The following SLC8A3 variants were observed in gnomAD, a reference collection of about 807,000 sequenced individuals.
The protein encoded by SLC8A3 is sodium/calcium exchanger 3.
SLC8A3 carries 37 observed loss-of-function variants against 65.4 expected under a neutral mutation model. The observed-to-expected ratio is 0.57, with a 90% confidence interval of 0.44 to 0.74. SLC8A3 has a LOEUF of 0.74. SLC8A3 is among the 30% of genes least tolerant of loss of function. The pLI, the probability that SLC8A3 is intolerant of heterozygous loss-of-function variation, is 0.00. For missense variants in SLC8A3, 1,112 were observed against 1,172.1 expected, an observed-to-expected ratio of 0.95 and a Z score of 0.75; for synonymous variants, 461 against 444.5, an observed-to-expected ratio of 1.04 and a Z score of -0.47.
intron 5 of SLC8A3, among the ~76,000 whole-genome samples, chr14:70,050,094 G>C (rs1454920077): frequency 2.0e-5 from 3 of 152,190 alleles, no homozygotes; most frequent in Admixed American, 6.5e-5. Flanking sequence ...CTGTAAGCTG[G>C]GGTAAATCAT....
In SLC8A3 at chr14:70,045,244, C is replaced by T. The variant is rs1300213310; in HGVS notation, c.*703G>A. Reference sequence around the variant, plus strand: ...GTGAGTGAGCTTATTTCTACCCCAACACCATCACTCCTCCCAAGAACTCAG... The same window carrying T: ...GTGAGTGAGCTTATTTCTACCCCAATACCATCACTCCTCCCAAGAACTCAG... On this transcript the variant is annotated 3_prime_UTR_variant, in exon 7 of 7. Coordinates refer to ENST00000356921, the MANE Select transcript of SLC8A3 (RefSeq NM_182932.3). The T allele has an allele frequency of 1.3e-5, 2 of 152,172 alleles. No homozygotes were observed. The highest frequency in any genetic ancestry group is 2.9e-5 in the Non-Finnish European group (2 of 68,046). The allele number at this position is 152,172 out of a possible 1,614,324, so 9.4% of individuals were successfully genotyped here.
chr14:70,179,466 T>C (rs1882537087), intron 1 of SLC8A3, among the ~76,000 whole-genome samples: 1 of 152,222 alleles, frequency 6.6e-6, no homozygotes, highest in African/African-American at 2.4e-5. Context: ...AAAATGACTC[T>C]ACAGGAGTTT....
At position 70,182,232 on chromosome 14, in the gene SLC8A3, T is replaced by C. The variant is rs955130992; in HGVS notation, c.-63+6147A>G. The stretch of plus-strand genomic sequence containing the variant: ...GAAGCTCCTAAGGACAAAGATGATG[T>C]CAGGTTAGTAAAAATTCAGGAGGAG... On this transcript the variant is annotated intron_variant, in intron 1 of 6. Coordinates refer to ENST00000356921, the MANE Select transcript of SLC8A3 (RefSeq NM_182932.3). 2.0e-5 allele frequency among the ~76,000 whole-genome samples: 3 copies of C among 152,182 alleles called. No homozygotes were observed. In the East Asian group the frequency reaches 5.8e-4, roughly 29 times the overall value.
rs1220317886 is a variant in SLC8A3, at chr14:70,167,293, G to C, written c.1130C>G (p.Ala377Gly). 1.2e-6 allele frequency: 2 copies of C among 1,614,190 alleles called. No homozygotes were observed. Among genetic ancestry groups the C allele is most frequent in the South Asian group, 1.1e-5 (1 of 91,074 alleles). Reference sequence around the variant, plus strand: ...CTCGCTCATGCTGGAGGCCTTCTTGGCTTGTTCTGCTGCATGTTTCTTCAG... The same window carrying C: ...CTCGCTCATGCTGGAGGCCTTCTTGCCTTGTTCTGCTGCATGTTTCTTCAG... Reference protein sequence around the residue: ...NILKKHAAEQAKKASSMSEVH... With the variant: ...NILKKHAAEQGKKASSMSEVH... The change falls in exon 2 of 7, where the codon GCC becomes GGC. Residue 377 changes from alanine (A) to glycine (G), a missense_variant. Physicochemically the swap from Ala to Gly is moderately conservative, Grantham distance 60. Coordinates refer to ENST00000356921, the MANE Select transcript of SLC8A3 (RefSeq NM_182932.3).
chr14:70,110,234 C>T (rs1229861727), intron 2 of SLC8A3, among the ~76,000 whole-genome samples: 1 of 151,998 alleles, frequency 6.6e-6, no homozygotes, highest in Non-Finnish European at 1.5e-5. Context: ...TGTACAGCTA[C>T]GTTATTATTT....
chr14:70,169,745 T>C (rs1415600001), intron 1 of SLC8A3, among the ~76,000 whole-genome samples: 1 of 150,574 alleles, frequency 6.6e-6, no homozygotes, highest in Non-Finnish European at 1.5e-5. Flanking sequence ...ATACCCTTAG[T>C]AATAAAGGAA....
chr14:70,064,054 C>T (rs1360271699), intron 2 of SLC8A3: 2 of 612,210 alleles, frequency 3.3e-6, no homozygotes, highest in African/African-American at 1.8e-5. Flanking sequence ...TGCCCCAACA[C>T]CACAGGGGCA....
chr14:70,085,743 T>C (rs1416164753), intron 2 of SLC8A3, among the ~76,000 whole-genome samples: 4 of 152,248 alleles, frequency 2.6e-5, no homozygotes, highest in Non-Finnish European at 5.9e-5. Context: ...AGTTCCAATA[T>C]GTCCTATGCC....
chr14:70,150,725 A>G (rs987011814), intron 2 of SLC8A3, among the ~76,000 whole-genome samples: 1 of 152,202 alleles, frequency 6.6e-6, no homozygotes, highest in Admixed American at 6.5e-5. Flanking sequence ...TGGGATAAGC[A>G]GGTAACACAC....
chr14:70,122,709 A>G (rs527409701), intron 2 of SLC8A3, among the ~76,000 whole-genome samples: 33 of 152,330 alleles, frequency 2.2e-4, no homozygotes, highest in African/African-American at 7.9e-4. Context: ...AAAAACGTTC[A>G]GAGTAGATGA....
At chr14:70,069,281 T>C (rs191706028) in intron 2 of SLC8A3, among the ~76,000 whole-genome samples, 127 of 152,306 alleles carry the variant, frequency 8.3e-4, no homozygotes, top group African/African-American at 3.1e-3. Context: ...TGTATTGTAT[T>C]GTGAGTAGGT....
intron 5 of SLC8A3, 93 bp from the exon 6 acceptor site, chr14:70,049,135 C>A: frequency 7.9e-7 from 1 of 1,262,494 alleles, no homozygotes. Flanking sequence ...CAGGCATCAT[C>A]CGCTAGAAGG....
At chr14:70,063,625 G>A (rs537306600) in intron 2 of SLC8A3, among the ~76,000 whole-genome samples, 40 of 152,298 alleles carry the variant, frequency 2.6e-4, no homozygotes, top group Non-Finnish European at 4.9e-4. Context: ...CAGGTGTTAG[G>A]ACAGAGCTGG....
chr14:70,048,290 GAGC>G, intron 6 of SLC8A3: 1 of 281,620 alleles, frequency 3.6e-6, no homozygotes, highest in South Asian at 6.2e-5. Flanking sequence ...TGATATCTTT[GAGC>G]TGGCTAATCT....
intron 2 of SLC8A3, among the ~76,000 whole-genome samples, chr14:70,096,195 T>C (rs374394682): frequency 2.6e-5 from 4 of 152,196 alleles, no homozygotes; most frequent in South Asian, 2.1e-4. Context: ...ATATATCTTA[T>C]ATATTCAACT....
At chr14:70,090,426 G>A (rs768329482) in intron 2 of SLC8A3, among the ~76,000 whole-genome samples, 4 of 152,108 alleles carry the variant, frequency 2.6e-5, no homozygotes, top group Non-Finnish European at 5.9e-5. Context: ...ATAAAAGAAC[G>A]GTGCATTGGT....
At chr14:70,050,850 C>T (rs530499917) in intron 5 of SLC8A3, among the ~76,000 whole-genome samples, 158 bp downstream of exon 5, 73 of 152,224 alleles carry the variant, frequency 4.8e-4, no homozygotes, top group African/African-American at 1.7e-3. Context: ...TTTTCAGATA[C>T]GCCATGATTC....
intron 2 of SLC8A3, among the ~76,000 whole-genome samples, chr14:70,151,513 C>T (rs181019853): frequency 0.1 from 7,454 of 73,812 alleles, 222 homozygotes; most frequent in Middle Eastern, 0.22. Context: ...TGTGGGTCAG[C>T]GTCCTGAGGG....
At chr14:70,103,662 T>C (rs1418811286) in intron 2 of SLC8A3, among the ~76,000 whole-genome samples, 1 of 151,028 alleles carries the variant, frequency 6.6e-6, no homozygotes, top group Non-Finnish European at 1.5e-5. Flanking sequence ...TATATAGCTA[T>C]AAAGCCAATT....
Sources: allele counts gnomAD v4.1 joint callset (sites outside exome capture counted in the v4.1 genomes callset), GRCh38; gene constraint gnomAD v4.1.1; transcripts MANE v1.5; gene names NCBI Gene and HGNC (gene_info 2026-07-23, HGNC 2026-07-21).